The following SAMMSON variants were observed in gnomAD, a reference collection of about 807,000 sequenced individuals.
The protein encoded by SAMMSON is survival associated mitochondrial melanoma specific oncogenic non-coding RNA, also known as long intergenic non-protein coding RNA 1212.
downstream of SAMMSON, among the ~76,000 whole-genome samples, chr3:70,391,617 A>T (rs968238562): frequency 6.6e-6 from 1 of 152,092 alleles, no homozygotes; most frequent in Non-Finnish European, 1.5e-5. Context: ...TATAGAGGGC[A>T]ATGTCTTGGT....
At chr3:70,149,947 G>T (rs1218836847) in intron 4 of SAMMSON, among the ~76,000 whole-genome samples, 1 of 151,948 alleles carries the variant, frequency 6.6e-6, no homozygotes, top group Non-Finnish European at 1.5e-5. Flanking sequence ...ATTTAAGAAG[G>T]CATACTCTCT....
At chr3:70,037,546 A>T (rs1483130798) in intron 3 of SAMMSON, among the ~76,000 whole-genome samples, 1 of 152,186 alleles carries the variant, frequency 6.6e-6, no homozygotes, top group Admixed American at 6.6e-5. Context: ...ATACACACAG[A>T]CAAATCTGGT....
In SAMMSON at chr3:70,193,931, T is replaced by C. The variant is rs116248232; in HGVS notation, n.508-55176T>C. Among the ~76,000 whole-genome samples, 837 of 152,360 alleles carry C rather than the reference T, an allele frequency of 5.5e-3. 12 individuals are homozygous for C. Among genetic ancestry groups the C allele is most frequent in the African/African-American group, 0.019 (789 of 41,582 alleles). ...ATAAAGTTTCTCTGCCTGGATGTTTTCTTGCTCCTTTGGAAAAAAAACTGA... is the reference window on the plus strand; with the variant it reads ...ATAAAGTTTCTCTGCCTGGATGTTTCCTTGCTCCTTTGGAAAAAAAACTGA... On this transcript the variant is annotated intron_variant and non_coding_transcript_variant, in intron 4 of 9. Transcript: ENST00000642114.
At chr3:70,344,552 A>T (rs991128578) in intron 7 of SAMMSON, among the ~76,000 whole-genome samples, 1 of 152,214 alleles carries the variant, frequency 6.6e-6, no homozygotes, top group Admixed American at 6.5e-5. Flanking sequence ...CTGGGTATGA[A>T]GAGGGCACTG....
chr3:70,384,180 AT>A (rs750562143), intron 9 of SAMMSON, among the ~76,000 whole-genome samples: 1 of 152,110 alleles, frequency 6.6e-6, no homozygotes, highest in Non-Finnish European at 1.5e-5. Flanking sequence ...CTACCTGCTG[AT>A]TTAATCAATC....
At chr3:70,321,202 A>G (rs1702536189) in intron 7 of SAMMSON, among the ~76,000 whole-genome samples, 1 of 152,070 alleles carries the variant, frequency 6.6e-6, no homozygotes, top group Admixed American at 6.6e-5. Context: ...TAATCAAGAT[A>G]AACATCTGCA....
chr3:70,294,018 G>A (rs981043152), intron 7 of SAMMSON, among the ~76,000 whole-genome samples: 16 of 152,078 alleles, frequency 1.1e-4, no homozygotes, highest in Admixed American at 3.9e-4. Flanking sequence ...CAACAGCTGG[G>A]TGTATTTTAA....
chr3:70,328,263 C>T (rs1374466214), intron 7 of SAMMSON, among the ~76,000 whole-genome samples: 1 of 152,148 alleles, frequency 6.6e-6, no homozygotes, highest in Non-Finnish European at 1.5e-5. Flanking sequence ...CCAACCATAT[C>T]AGTCTGACAT....
chr3:70,228,506 C>T (rs750662993), intron 4 of SAMMSON, among the ~76,000 whole-genome samples: 2 of 151,786 alleles, frequency 1.3e-5, no homozygotes, highest in Non-Finnish European at 2.9e-5. Flanking sequence ...GAGAAGGACC[C>T]CTGTTATAGT....
chr3:70,299,227 G>A (rs571597565), intron 7 of SAMMSON, among the ~76,000 whole-genome samples: 4 of 151,996 alleles, frequency 2.6e-5, no homozygotes, highest in African/African-American at 9.7e-5. Context: ...TATGTTTATT[G>A]CCCTAGAAAG....
intron 3 of SAMMSON, among the ~76,000 whole-genome samples, chr3:70,044,762 T>C: frequency 6.6e-6 from 1 of 151,218 alleles, no homozygotes; most frequent in Middle Eastern, 3.5e-3. Flanking sequence ...ATATATTACA[T>C]AAATAAAATG....
intron 4 of SAMMSON, among the ~76,000 whole-genome samples, chr3:70,247,638 C>G (rs932562254): frequency 6.6e-6 from 1 of 151,774 alleles, no homozygotes. Context: ...GAATTTATGA[C>G]TCTAATAGCA....
intron 3 of SAMMSON, among the ~76,000 whole-genome samples, chr3:70,063,910 A>G (rs1331830367): frequency 6.6e-6 from 1 of 152,130 alleles, no homozygotes; most frequent in East Asian, 1.9e-4. Context: ...ATCATTCTTC[A>G]TCATAATTTA....
intron 4 of SAMMSON, among the ~76,000 whole-genome samples, chr3:70,160,061 A>G (rs1168799452): frequency 6.6e-6 from 1 of 152,018 alleles, no homozygotes; most frequent in Non-Finnish European, 1.5e-5. Flanking sequence ...TTAGACACAT[A>G]TTTTGCAAAT....
chr3:70,036,002 C>T (rs1314142176), intron 3 of SAMMSON, among the ~76,000 whole-genome samples: 2 of 152,108 alleles, frequency 1.3e-5, no homozygotes, highest in African/African-American at 4.8e-5. Flanking sequence ...GTTAAAATAA[C>T]ATGTAAGTCC....
intron 6 of SAMMSON, among the ~76,000 whole-genome samples, chr3:70,277,209 C>A (rs915990843): frequency 6.6e-6 from 1 of 152,158 alleles, no homozygotes; most frequent in Non-Finnish European, 1.5e-5. Context: ...TAGCCCGTAT[C>A]TCCAGCTGCC....
chr3:70,340,000 A>G (rs1350812201), intron 7 of SAMMSON, among the ~76,000 whole-genome samples: 5 of 152,152 alleles, frequency 3.3e-5, no homozygotes, highest in African/African-American at 1.2e-4. Context: ...ACTTGGAACC[A>G]ACCCAAATGT....
chr3:70,284,260 A>G (rs1455620572), intron 6 of SAMMSON, among the ~76,000 whole-genome samples: 1 of 152,222 alleles, frequency 6.6e-6, no homozygotes, highest in Non-Finnish European at 1.5e-5. Context: ...AGATAAGTGT[A>G]CTTGCTAATC....
At chr3:70,197,104 G>A (rs1336998682) in intron 4 of SAMMSON, 1 of 398,558 alleles carries the variant, frequency 2.5e-6, no homozygotes, top group Non-Finnish European at 4.4e-6. Context: ...GGTACACACC[G>A]TTTCGCAGGT....
Sources: gnomAD v4.1 joint callset for allele counts (sites outside exome capture counted in the v4.1 genomes callset) on GRCh38, gnomAD v4.1.1 for gene constraint, MANE v1.5 for transcripts, NCBI Gene and HGNC (gene_info 2026-07-23, HGNC 2026-07-21) for gene names.